PTGES: variants seen among roughly 807,000 people sequenced by gnomAD.
The protein encoded by PTGES is MGST1-like 1.
PTGES carries 3 observed loss-of-function variants against 11.8 expected under a neutral mutation model. The ratio of observed to expected loss-of-function variants is 0.25; its 90% CI spans 0.12 to 0.66. PTGES has a LOEUF of 0.66. Ranked by LOEUF, PTGES falls within the 30% of genes least tolerant of loss-of-function variation. The pLI is 0.82. For synonymous variants in PTGES, 94 were observed against 90.4 expected (o/e 1.04, Z -0.22); for missense variants, 180 against 213.0 (o/e 0.85, Z 0.96).
Position 129,738,768 on chromosome 9 carries a change from C to G in PTGES, c.*843G>C, listed in dbSNP as rs1217859196. ...CCATACAGGAACCCAAGACCCCAGC[C>G]TTGCTTCCACAGAGAACTGGCAGGG... On this transcript the variant is annotated 3_prime_UTR_variant, in exon 3 of 3. Coordinates refer to ENST00000340607, the MANE Select transcript of PTGES (RefSeq NM_004878.5). This position sits in a 1 kb window ranked among gnomAD's most constrained non-coding sequence, Gnocchi z 4.2. 2.6e-5 allele frequency: 4 copies of G among 152,468 alleles called. No homozygotes were observed. Among genetic ancestry groups the G allele is most frequent in the African/African-American group, 9.6e-5 (4 of 41,582 alleles). The allele number at this position is 152,468 out of a possible 1,614,324, so 9.4% of individuals were successfully genotyped here.
At chr9:129,741,828 C>T (rs1198933671) in intron 2 of PTGES, among the ~76,000 whole-genome samples, 2 of 151,394 alleles carry the variant, frequency 1.3e-5, no homozygotes, top group African/African-American at 2.4e-5. Flanking sequence ...TCACCTGAAC[C>T]GGGCAGGTGG....
At chr9:129,743,761 G>A (rs1406174734) in intron 2 of PTGES, among the ~76,000 whole-genome samples, 2 of 152,234 alleles carry the variant, frequency 1.3e-5, no homozygotes, top group African/African-American at 4.8e-5. Context: ...GACAGCCTCA[G>A]GAGCAGAGCC....
At chr9:129,742,345 A>C (rs199965038) in intron 2 of PTGES, among the ~76,000 whole-genome samples, 125 of 149,460 alleles carry the variant, frequency 8.4e-4, no homozygotes, top group African/African-American at 1.1e-3. Flanking sequence ...AAAAAAAAAA[A>C]AAAAACATAA....
At chr9:129,746,005 G>T (rs977055423) in intron 2 of PTGES, among the ~76,000 whole-genome samples, 6 of 151,196 alleles carry the variant, frequency 4.0e-5, no homozygotes, top group Non-Finnish European at 8.8e-5. Context: ...TTGCATTTCA[G>T]CCTGGGGGAC....
intron 1 of PTGES, among the ~76,000 whole-genome samples, chr9:129,750,532 TAC>T (rs1833092773): frequency 6.6e-6 from 1 of 152,158 alleles, no homozygotes; most frequent in Non-Finnish European, 1.5e-5. Flanking sequence ...CCCCTGGAGA[TAC>T]AACTCAGATA....
In PTGES at chr9:129,748,680, C is replaced by T. The variant is rs200520650; in HGVS notation, c.184G>A (p.Asp62Asn). 1.3e-5 allele frequency: 20 copies of T among 1,580,142 alleles called. No individual in the cohort carries two copies. Among genetic ancestry groups the T allele is most frequent in the East Asian group, 1.2e-4 (5 of 41,584 alleles). Residue 62 changes from aspartate to asparagine, a missense_variant, in exon 2 of 3, where the codon GAC becomes AAC. Physicochemically the swap from Asp to Asn is conservative, Grantham distance 23 (BLOSUM62 1). Coordinates refer to ENST00000340607, the MANE Select transcript of PTGES (RefSeq NM_004878.5). ...RHGGPQYCRS[D>N]PDVERCLRAH... ...CTGAGGCAGCGTTCCACGTCGGGGT[C>T]GCTCCTGCAATACTGGGGGCCTCCG...
At position 129,752,947 on chromosome 9, in the gene PTGES, C is replaced by G. The variant is rs200270384; in HGVS notation, c.66G>C (p.Leu22=). ...ALPAFLLCST[L]LVIKMYVVAI... is the part of the protein sequence containing the mutation. ...CCACCACGTACATCTTGATGACCAG[C>G]AGCGTGCTGCAGAGCAGGAAGGCCG... Residue 22 remains leucine (L), a synonymous_variant, in exon 1 of 3, where the codon CTG becomes CTC. Coordinates refer to ENST00000340607, the MANE Select transcript of PTGES (RefSeq NM_004878.5). 117 of 1,612,960 alleles carry G rather than the reference C, an allele frequency of 7.3e-5. No individual in the cohort carries two copies. The highest frequency in any genetic ancestry group is 9.1e-5 in the Non-Finnish European group (107 of 1,180,052).
In PTGES at chr9:129,739,432, A is replaced by G; in HGVS notation, c.*179T>C. The G allele has an allele frequency of 4.9e-6, 4 of 821,768 alleles. No homozygotes were observed. The South Asian group carries it at 7.3e-5, about 15-fold the overall frequency. The allele number at this position is 821,768 out of a possible 1,614,324, so 50.9% of individuals were successfully genotyped here. ...GGGGCTAAGAAACATACACACACACATACACACACACGGGCACACACACAG... is the reference window on the plus strand; with the variant it reads ...GGGGCTAAGAAACATACACACACACGTACACACACACGGGCACACACACAG... On this transcript the variant is annotated 3_prime_UTR_variant, in exon 3 of 3. Coordinates refer to ENST00000340607, the MANE Select transcript of PTGES (RefSeq NM_004878.5). The surrounding 1 kb of genome is among the most constrained non-coding windows in gnomAD (Gnocchi z 5.7).
intron 2 of PTGES, among the ~76,000 whole-genome samples, chr9:129,747,137 T>C (rs1214563246): frequency 1.3e-5 from 2 of 152,220 alleles, no homozygotes; most frequent in African/African-American, 4.8e-5. Flanking sequence ...TGACCTCAAG[T>C]GATCTGCCGG....
intron 2 of PTGES, among the ~76,000 whole-genome samples, chr9:129,748,139 A>G (rs1004682636): frequency 2.0e-5 from 3 of 151,220 alleles, no homozygotes; most frequent in Non-Finnish European, 4.4e-5. Flanking sequence ...CAGAGTGGCA[A>G]CATAAATACT....
chr9:129,740,182 C>T (rs969348669), intron 2 of PTGES, among the ~76,000 whole-genome samples: 2 of 152,128 alleles, frequency 1.3e-5, no homozygotes, highest in African/African-American at 4.8e-5. Flanking sequence ...TCTCCCCCAC[C>T]TTCCTCTCTA....
chr9:129,748,036 A>G (rs1833064605), intron 2 of PTGES, among the ~76,000 whole-genome samples: 1 of 142,266 alleles, frequency 7.0e-6, no homozygotes, highest in East Asian at 2.1e-4. Context: ...AAAAAAAAAA[A>G]GAGGTATTGA....
In PTGES at chr9:129,739,393, G is replaced by T. The variant is rs200989054; in HGVS notation, c.*218C>A. 1 of 609,570 alleles carries T rather than the reference G, an allele frequency of 1.6e-6. No homozygotes were observed. Among genetic ancestry groups the T allele is most frequent in the Non-Finnish European group, 2.8e-6 (1 of 359,788 alleles). The allele number at this position is 609,570 out of a possible 1,614,324, so 37.8% of individuals were successfully genotyped here. Reference sequence around the variant, plus strand: ...TGAAATGGTTCCCATCAGCCACTTCGTGCAGGAATCCAAGGGGCTAAGAAA... The same window carrying T: ...TGAAATGGTTCCCATCAGCCACTTCTTGCAGGAATCCAAGGGGCTAAGAAA... On this transcript the variant is annotated 3_prime_UTR_variant, in exon 3 of 3. Transcript: ENST00000340607. This position sits in a 1 kb window ranked among gnomAD's most constrained non-coding sequence, Gnocchi z 5.7.
rs780313610 is a variant in PTGES at position 129,748,750 on chromosome 9, A to C, written c.127-13T>G. Reference sequence around the variant, plus strand: ...GGTTGGCAAAGGCCTGAAATATACCAGTTGAGAGTCACTCCTCGTGAGACA... The same window carrying C: ...GGTTGGCAAAGGCCTGAAATATACCCGTTGAGAGTCACTCCTCGTGAGACA... On this transcript the variant is annotated splice_polypyrimidine_tract_variant and intron_variant, in intron 1 of 2. Coordinates refer to ENST00000340607, the MANE Select transcript of PTGES (RefSeq NM_004878.5). 10 of 1,586,436 alleles carry C rather than the reference A, an allele frequency of 6.3e-6. No homozygotes were observed. Among genetic ancestry groups the C allele is most frequent in the Non-Finnish European group, 8.6e-6 (10 of 1,164,588 alleles).
At chr9:129,752,452 G>A (rs1025243267) in intron 1 of PTGES, among the ~76,000 whole-genome samples, 2 of 152,238 alleles carry the variant, frequency 1.3e-5, no homozygotes, top group Non-Finnish European at 2.9e-5. Context: ...GCTTGTTAGT[G>A]ACATTTGCCA....
intron 1 of PTGES, among the ~76,000 whole-genome samples, chr9:129,751,203 G>A (rs960293768): frequency 3.3e-5 from 5 of 151,858 alleles, no homozygotes; most frequent in Admixed American, 2.0e-4. Flanking sequence ...CACACCTATA[G>A]TCCCAGCTAC....
chr9:129,753,034 T>C lies in PTGES; in HGVS notation c.-22A>G. On this transcript the variant is annotated 5_prime_UTR_variant, in exon 1 of 3. Transcript: ENST00000340607. ...GCATCTCTGGCCAGCGCAGCTCAAC[T>C]GTGGGTGTGATCAGCTCGACAGAGG... 1.3e-6 allele frequency: 2 copies of C among 1,597,608 alleles called. No homozygotes were observed. Among genetic ancestry groups the C allele is most frequent in the South Asian group, 1.1e-5 (1 of 90,708 alleles).
At chr9:129,744,085 G>A (rs1408292304) in intron 2 of PTGES, among the ~76,000 whole-genome samples, 1 of 152,144 alleles carries the variant, frequency 6.6e-6, no homozygotes, top group Non-Finnish European at 1.5e-5. Context: ...CTAAGCTCAG[G>A]TGATCTACCC....
At position 129,738,996 on chromosome 9, in the gene PTGES, G is replaced by C. The variant is rs1832963285; in HGVS notation, c.*615C>G. ...AAAAATACAAAAATTAGCTGGGTAT[G>C]GTGATACGCGCCTGTAATCCCAGCT... On this transcript the variant is annotated 3_prime_UTR_variant, in exon 3 of 3. Transcript: ENST00000340607. This position sits in a 1 kb window ranked among gnomAD's most constrained non-coding sequence, Gnocchi z 4.2. 6.5e-6 allele frequency: 1 copy of C among 153,046 alleles called. No homozygotes were observed. Among genetic ancestry groups the C allele is most frequent in the South Asian group, 2.0e-4 (1 of 4,882 alleles). The allele number at this position is 153,046 out of a possible 1,614,324, so 9.5% of individuals were successfully genotyped here.
Sources: allele counts gnomAD v4.1 joint callset (sites outside exome capture counted in the v4.1 genomes callset), GRCh38; gene constraint gnomAD v4.1.1; non-coding constraint Gnocchi (gnomAD v3.1); transcripts MANE v1.5; gene names NCBI Gene and HGNC (gene_info 2026-07-23, HGNC 2026-07-21).